The following PCDH17 variants were observed in gnomAD, a reference collection of about 807,000 sequenced individuals.
The protein encoded by PCDH17 is protocadherin 17, also known as protocadherin-17.
In PCDH17, 21 loss-of-function variants were observed where a neutral mutation model predicts 67.7. That is an observed-to-expected ratio of 0.31 (90% CI 0.22 to 0.45). The LOEUF (loss-of-function observed/expected upper bound fraction) is 0.45. Among genes scored for constraint, PCDH17 ranks in the 20% least tolerant of loss-of-function variants. PCDH17 has a pLI of 1.00. For missense variants in PCDH17, 1,471 were observed against 1,564.8 expected, an observed-to-expected ratio of 0.94 and a Z score of 1.01; for synonymous variants, 701 against 656.7, an observed-to-expected ratio of 1.07 and a Z score of -1.03.
At chr13:57,636,258 A>C (rs374734335) in intron 1 of PCDH17, among the ~76,000 whole-genome samples, 1 of 152,164 alleles carries the variant, frequency 6.6e-6, no homozygotes, top group East Asian at 1.9e-4. Context: ...CAGTATGTGG[A>C]ATTCAAAATT....
At position 57,666,676 on chromosome 13, in the gene PCDH17, G is replaced by A. The variant is rs770220472; in HGVS notation, c.2640G>A (p.Lys880=). ...TGTATTTCAGTAGCTCCACGTTTAA[G>A]GACCCAGAAAGAGCCAGCCTGAGAG... ...QQFVQSSSTF[K]DPERASLRDS... Residue 880 remains lysine, a synonymous_variant, in exon 3 of 4, where the codon AAG becomes AAA. Transcript: ENST00000377918. 6.2e-7 allele frequency: 1 copy of A among 1,611,732 alleles called. No individual in the cohort carries two copies. The highest frequency in any genetic ancestry group is 1.3e-5 in the African/African-American group (1 of 74,772).
intron 3 of PCDH17, among the ~76,000 whole-genome samples, chr13:57,700,376 TG>T (rs1287705573): frequency 6.6e-6 from 1 of 150,818 alleles, no homozygotes; most frequent in Non-Finnish European, 1.5e-5. Context: ...TGGATTGCAG[TG>T]GCGTGATCTT....
At chr13:57,639,984 T>C (rs998648095) in intron 1 of PCDH17, among the ~76,000 whole-genome samples, 1 of 151,984 alleles carries the variant, frequency 6.6e-6, no homozygotes, top group South Asian at 2.1e-4. Context: ...ATAACATATA[T>C]CATTCACTTT....
chr13:57,693,338 A>ATATATATATATATATATATT (rs1401987726), intron 3 of PCDH17, among the ~76,000 whole-genome samples: 6 of 142,130 alleles, frequency 4.2e-5, no homozygotes, highest in African/African-American at 1.5e-4. Context: ...ATATATATAT[A>ATATATATATATATATATATT]TATATATCAA....
upstream of PCDH17, among the ~76,000 whole-genome samples, chr13:57,630,588 C>A (rs1485549556): frequency 6.6e-6 from 1 of 152,118 alleles, no homozygotes; most frequent in Admixed American, 6.6e-5. Flanking sequence ...AATAAATAAA[C>A]CAATACACCT....
chr13:57,706,898 T>A lies in PCDH17; in HGVS notation c.2798-17714T>A, dbSNP rs576922124. 1.4e-4 allele frequency among the ~76,000 whole-genome samples: 21 copies of A among 152,250 alleles called. 1 individual carries two copies. The South Asian group carries it at 4.4e-3, about 32-fold the overall frequency. On this transcript the variant is annotated intron_variant, in intron 3 of 3. Coordinates refer to ENST00000377918, the MANE Select transcript of PCDH17 (RefSeq NM_001040429.3). The stretch of plus-strand genomic sequence containing the variant: ...GATTGGCAGTTGAGAATTTTCCAAA[T>A]CAAGTGCTGCTTCCATTTTCCTTAA...
chr13:57,709,249 A>G (rs1201004021), intron 3 of PCDH17, among the ~76,000 whole-genome samples: 1 of 151,838 alleles, frequency 6.6e-6, no homozygotes, highest in African/African-American at 2.4e-5. Flanking sequence ...GATGCAGTAC[A>G]CATTTTTATT....
intron 3 of PCDH17, among the ~76,000 whole-genome samples, chr13:57,681,092 A>G (rs1251987448): frequency 6.6e-6 from 1 of 151,680 alleles, no homozygotes; most frequent in Non-Finnish European, 1.5e-5. Flanking sequence ...TGCTGTTACC[A>G]CCTTTAAGAG....
At chr13:57,678,321 T>C (rs1479428602) in intron 3 of PCDH17, among the ~76,000 whole-genome samples, 6 of 151,472 alleles carry the variant, frequency 4.0e-5, no homozygotes, top group Non-Finnish European at 8.9e-5. Context: ...GATATTGTTA[T>C]GGATGAAAAA....
In PCDH17 at chr13:57,632,729, G is replaced by T. The variant is rs1202266962; in HGVS notation, c.183G>T (p.Ser61=). The change falls in exon 1 of 4, where the codon TCG becomes TCT. Residue 61 remains serine, a synonymous_variant. Transcript: ENST00000377918. Reference sequence around the variant, plus strand: ...GCGGCGGCGGAGGGCGCAGCAAGTCGGGTAGCTACCGGGTGCTGGAGAACT... The same window carrying T: ...GCGGCGGCGGAGGGCGCAGCAAGTCTGGTAGCTACCGGGTGCTGGAGAACT... ...AERGGGGRSK[S]GSYRVLENSA... 3 of 1,611,702 alleles carry T rather than the reference G, an allele frequency of 1.9e-6. No homozygotes were observed. Among genetic ancestry groups the T allele is most frequent in the Non-Finnish European group, 2.5e-6 (3 of 1,179,930 alleles).
intron 1 of PCDH17, among the ~76,000 whole-genome samples, chr13:57,640,313 A>C (rs1376541079): frequency 2.0e-5 from 3 of 152,032 alleles, no homozygotes; most frequent in Admixed American, 2.0e-4. Context: ...ATTCACATGC[A>C]TTTATTGCAG....
In PCDH17 at chr13:57,634,947, C is replaced by T. The variant is rs375778229; in HGVS notation, c.2401C>T (p.Gln801Ter). The change falls in exon 1 of 4, where the codon CAG becomes TAG. Residue 801 changes from glutamine (Q) to a stop codon, truncating the protein, a stop_gained. Transcript: ENST00000377918. LOFTEE classifies it high-confidence loss of function. The surrounding 1 kb of genome is among the most constrained non-coding windows in gnomAD (Gnocchi z 7.8). ...LATSPMYFDY[Q>*]TRLPLSSPRS... is the part of the protein sequence containing the mutation. Reference sequence around the variant, plus strand: ...CACCTCCCCCATGTACTTCGACTACCAGACCCGCCTGCCCCTCAGCTCGCC... The same window carrying T: ...CACCTCCCCCATGTACTTCGACTACTAGACCCGCCTGCCCCTCAGCTCGCC... 6.2e-7 allele frequency: 1 copy of T among 1,613,540 alleles called. No homozygotes were observed. The highest frequency in any genetic ancestry group is 8.5e-7 in the Non-Finnish European group (1 of 1,179,930).
chr13:57,631,317 C>T (rs1954716601), upstream of PCDH17, among the ~76,000 whole-genome samples: 1 of 152,160 alleles, frequency 6.6e-6, no homozygotes, highest in Admixed American at 6.5e-5. Flanking sequence ...GACTGTTTCC[C>T]TTCTAGCGAG....
intron 3 of PCDH17, among the ~76,000 whole-genome samples, chr13:57,694,046 T>A (rs1955584473): frequency 6.6e-6 from 1 of 150,938 alleles, no homozygotes; most frequent in Non-Finnish European, 1.5e-5. Flanking sequence ...CTTGAATATT[T>A]CATAGCCAAG....
At chr13:57,658,819 G>T (rs942262960) in intron 1 of PCDH17, among the ~76,000 whole-genome samples, 93 of 148,902 alleles carry the variant, frequency 6.2e-4, no homozygotes, top group African/African-American at 2.3e-3. Context: ...TTGCTGTGTC[G>T]CCCAGGCTGG....
intron 1 of PCDH17, among the ~76,000 whole-genome samples, chr13:57,638,152 GT>G (rs1954847343): frequency 6.6e-6 from 1 of 152,016 alleles, no homozygotes; most frequent in South Asian, 2.1e-4. Context: ...AGGAGCACAG[GT>G]TTTGTAGTAC....
In PCDH17 at chr13:57,634,532, G is replaced by A; in HGVS notation, c.1986G>A (p.Val662=). The change falls in exon 1 of 4, where the codon GTG becomes GTA. Residue 662 remains valine, a synonymous_variant. Transcript: ENST00000377918. This position sits in a 1 kb window ranked among gnomAD's most constrained non-coding sequence, Gnocchi z 7.8. Reference sequence around the variant, plus strand: ...ACGTGACGCCCGTGGTGGAGCTGGTGGTGAAGGTGACCGACCACGGCAAGC... The same window carrying A: ...ACGTGACGCCCGTGGTGGAGCTGGTAGTGAAGGTGACCGACCACGGCAAGC... ...WEDVTPVVEL[V]VKVTDHGKPT... 1 of 1,613,016 alleles carries A rather than the reference G, an allele frequency of 6.2e-7. No individual in the cohort carries two copies. Among genetic ancestry groups the A allele is most frequent in the East Asian group, 2.2e-5 (1 of 44,826 alleles).
intron 3 of PCDH17, among the ~76,000 whole-genome samples, chr13:57,695,384 G>GGCAC (rs1327809875): frequency 6.7e-6 from 1 of 150,102 alleles, no homozygotes; most frequent in East Asian, 2.0e-4. Context: ...TTCATATGAA[G>GGCAC]GCACACAAGG....
chr13:57,659,103 T>G (rs1372975803), intron 1 of PCDH17, among the ~76,000 whole-genome samples: 1 of 139,750 alleles, frequency 7.2e-6, no homozygotes, highest in Non-Finnish European at 1.5e-5. Context: ...GTTATTTATA[T>G]TGTGTGTGTG....
Sources: allele counts gnomAD v4.1 joint callset (sites outside exome capture counted in the v4.1 genomes callset), GRCh38; gene constraint gnomAD v4.1.1; non-coding constraint Gnocchi (gnomAD v3.1); transcripts MANE v1.5; gene names NCBI Gene and HGNC (gene_info 2026-07-23, HGNC 2026-07-21).